Variants in KIF11 observed in about 807,000 individuals in gnomAD.
KIF11 encodes the protein kinesin-like protein KIF11.
A neutral mutation model predicts 121.0 loss-of-function variants in KIF11; 9 were observed. The ratio of observed to expected loss-of-function variants is 0.07; its 90% CI spans 0.04 to 0.13. KIF11 has a LOEUF of 0.13. Ranked by LOEUF, KIF11 falls within the 10% of genes least tolerant of loss-of-function variation. The probability of loss-of-function intolerance (pLI) is 1.00; values close to 1 mark genes in which losing one functional copy is unlikely to be tolerated. For missense variants in KIF11, 846 were observed against 1,217.5 expected (o/e 0.69, Z 4.54); for synonymous variants, 408 against 421.0 (o/e 0.97, Z 0.38).
At chr10:92,639,923 TA>T in intron 17 of KIF11, 23 bp downstream of exon 17, 1 of 1,256,656 alleles carries the variant, frequency 8.0e-7, no homozygotes, top group South Asian at 1.3e-5. Context: ...TAAATTCTCT[TA>T]AACTTTTCTG....
intron 1 of KIF11, among the ~76,000 whole-genome samples, chr10:92,604,124 T>C (rs2135899383): frequency 6.6e-6 from 1 of 152,310 alleles, no homozygotes; most frequent in South Asian, 2.1e-4. Context: ...ATGGATTTGT[T>C]AGTGTGAGCA....
Position 92,637,267 on chromosome 10 carries a change from A to G in KIF11, c.1959A>G (p.Gln653=), listed in dbSNP as rs1844814422. Residue 653 remains glutamine, a synonymous_variant, in exon 15 of 22, where the codon CAA becomes CAG. Coordinates refer to ENST00000260731, the MANE Select transcript of KIF11 (RefSeq NM_004523.4). ...TGTCTATACTGAAAATCAATAGTCAACTAAAGCATATTTTCAAGACTTCAT... is the reference window on the plus strand; with the variant it reads ...TGTCTATACTGAAAATCAATAGTCAGCTAAAGCATATTTTCAAGACTTCAT... ...TVVSILKINS[Q]LKHIFKTSLT... 4 of 1,590,718 alleles carry G rather than the reference A, an allele frequency of 2.5e-6. No homozygotes were observed. The highest frequency in any genetic ancestry group is 2.6e-6 in the Non-Finnish European group (3 of 1,174,748).
chr10:92,614,093 G>T (rs1276786217), intron 8 of KIF11, among the ~76,000 whole-genome samples: 1 of 140,440 alleles, frequency 7.1e-6, no homozygotes, highest in Admixed American at 7.1e-5. Flanking sequence ...AGTTCATTTA[G>T]TAGCTTCATT....
chr10:92,640,757 A>C (rs1360962478), intron 17 of KIF11, among the ~76,000 whole-genome samples: 1 of 148,076 alleles, frequency 6.8e-6, no homozygotes, highest in Admixed American at 6.7e-5. Context: ...ACAAAAACAA[A>C]CAGCCTGCTC....
At chr10:92,616,530 C>T (rs77389290) in intron 8 of KIF11, among the ~76,000 whole-genome samples, 3 of 151,828 alleles carry the variant, frequency 2.0e-5, no homozygotes, top group African/African-American at 2.4e-5. Flanking sequence ...TCCTAAGGGT[C>T]GAGACTCTGA....
rs140625337 is a variant in KIF11, at chr10:92,637,222, G to A, written c.1914G>A (p.Met638Ile). ...LKTDLLSSLE[M>I]ILSPTVVSIL... ...CTGATCTTCTAAGTTCACTGGAAATGATTTTATCCCCAACTGTGGTGTCTA... is the reference window on the plus strand; with the variant it reads ...CTGATCTTCTAAGTTCACTGGAAATAATTTTATCCCCAACTGTGGTGTCTA... The change falls in exon 15 of 22, where the codon ATG becomes ATA. Residue 638 changes from methionine to isoleucine, a missense_variant. Transcript: ENST00000260731. The A allele has an allele frequency of 1.3e-6, 2 of 1,586,638 alleles. No individual in the cohort carries two copies. The highest frequency in any genetic ancestry group is 1.7e-6 in the Non-Finnish European group (2 of 1,173,554).
At chr10:92,598,202 G>A in intron 1 of KIF11, among the ~76,000 whole-genome samples, 1 of 152,142 alleles carries the variant, frequency 6.6e-6, no homozygotes, top group East Asian at 1.9e-4. Context: ...TTTGCCTTAT[G>A]TTTTCTTCTA....
intron 2 of KIF11, 25 bp from the exon 3 acceptor site, chr10:92,606,590 ATTTT>A (rs11393423): frequency 6.3e-6 from 7 of 1,117,704 alleles, no homozygotes; most frequent in Non-Finnish European, 7.6e-6. Context: ...TTTGAGGTTG[ATTTT>A]TTTTTTTTTA....
chr10:92,651,507 G>GTATTTTTTTTTTTTTTTTTTTTT (rs1554863366), intron 21 of KIF11, among the ~76,000 whole-genome samples: 4 of 52,956 alleles, frequency 7.6e-5, no homozygotes, highest in South Asian at 9.7e-4. Flanking sequence ...GGCTAATTTT[G>GTATTTTTTTTTTTTTTTTTTTTT]TTTTTTTTTT....
In KIF11 at chr10:92,616,772, A is replaced by G. The variant is rs1334163335; in HGVS notation, c.1068A>G (p.Ala356=). The change falls in exon 9 of 22, where the codon GCA becomes GCG. Residue 356 remains alanine (A), a synonymous_variant. Coordinates refer to ENST00000260731, the MANE Select transcript of KIF11 (RefSeq NM_004523.4). ...TLSTLEYAHR[A]KNILNKPEVN... ...GTACATTGGAATATGCTCATAGAGC[A>G]AAGAACATATTGAATAAGCCTGAAG... 6 of 1,607,552 alleles carry G rather than the reference A, an allele frequency of 3.7e-6. No individual in the cohort carries two copies. Among genetic ancestry groups the G allele is most frequent in the Non-Finnish European group, 5.1e-6 (6 of 1,176,612 alleles).
At chr10:92,644,068 G>A (rs1844895474) in intron 17 of KIF11, among the ~76,000 whole-genome samples, 1 of 152,148 alleles carries the variant, frequency 6.6e-6, no homozygotes, top group Non-Finnish European at 1.5e-5. Context: ...AAATACTAGA[G>A]TAGGATTGAA....
intron 9 of KIF11, 122 bp from the exon 10 acceptor site, chr10:92,621,263 C>A: frequency 1.9e-6 from 1 of 513,828 alleles, no homozygotes; most frequent in Non-Finnish European, 3.5e-6. Flanking sequence ...AACTTTTTAT[C>A]ATACTTCTTT....
In KIF11 at chr10:92,649,994, T is replaced by G. The variant is rs1409906789; in HGVS notation, c.2922+8T>G. ...AAAGAAGAGACAATTCCGGTAAATT[T>G]AAAGGATCATATTTTATAATAGAAC... is the stretch of plus-strand genomic sequence containing the variant. On this transcript the variant is annotated splice_region_variant and intron_variant, in intron 20 of 21. Coordinates refer to ENST00000260731, the MANE Select transcript of KIF11 (RefSeq NM_004523.4). The G allele has an allele frequency of 6.3e-7, 1 of 1,596,102 alleles. No individual in the cohort carries two copies. Among genetic ancestry groups the G allele is most frequent in the African/African-American group, 1.3e-5 (1 of 74,452 alleles).
At chr10:92,609,893 C>T (rs916975821) in intron 6 of KIF11, among the ~76,000 whole-genome samples, 40 of 152,168 alleles carry the variant, frequency 2.6e-4, no homozygotes, top group Admixed American at 1.6e-3. Flanking sequence ...TCTGCCACTA[C>T]GCCCAGCTAA....
At chr10:92,651,508 T>TATA (rs57998983) in intron 21 of KIF11, among the ~76,000 whole-genome samples, 1 of 30,942 alleles carries the variant, frequency 3.2e-5, no homozygotes, top group Non-Finnish European at 5.2e-5. Context: ...GCTAATTTTG[T>TATA]TTTTTTTTTT....
At chr10:92,634,455 G>A (rs542435839) in intron 14 of KIF11, among the ~76,000 whole-genome samples, 1 of 150,328 alleles carries the variant, frequency 6.7e-6, no homozygotes, top group East Asian at 2.0e-4. Context: ...TTTTTTTTTA[G>A]TAGAGATGGT....
At position 92,632,513 on chromosome 10, in the gene KIF11, A is replaced by G. The variant is rs1433746785; in HGVS notation, c.1522A>G (p.Lys508Glu). Residue 508 changes from lysine to glutamate, a missense_variant, in exon 13 of 22, where the codon AAA becomes GAA. Transcript: ENST00000260731. Reference protein sequence around the residue: ...KLLNTVEETTKDVSGLHSKLD... With the variant: ...KLLNTVEETTEDVSGLHSKLD... ...GCTTAACACAGTTGAAGAAACTACA[A>G]AAGATGTATCTGGTCTCCATTCCAA... 1.9e-5 allele frequency: 31 copies of G among 1,612,266 alleles called. No homozygotes were observed. The highest frequency in any genetic ancestry group is 2.5e-5 in the Non-Finnish European group (30 of 1,178,564).
intron 5 of KIF11, 78 bp from the exon 6 acceptor site, chr10:92,609,299 AGAGAGTGT>A (rs1216728732): frequency 9.5e-4 from 678 of 714,522 alleles, no homozygotes; most frequent in Admixed American, 2.3e-3. Flanking sequence ...AGAGAGAGAG[AGAGAGTGT>A]GTGTGTGTGT....
chr10:92,600,268 G>A (rs1020268725), intron 1 of KIF11, among the ~76,000 whole-genome samples: 3 of 151,874 alleles, frequency 2.0e-5, no homozygotes, highest in South Asian at 2.1e-4. Context: ...CTCCCAAAGT[G>A]TTGGGATTAC....
Sources: gnomAD v4.1 joint callset for allele counts (sites outside exome capture counted in the v4.1 genomes callset) on GRCh38, gnomAD v4.1.1 for gene constraint, MANE v1.5 for transcripts, NCBI Gene and HGNC (gene_info 2026-07-23, HGNC 2026-07-21) for gene names.